The following CADPS variants were observed in gnomAD, a reference collection of about 807,000 sequenced individuals.
CADPS encodes calcium dependent secretion activator, also known as calcium-dependent secretion activator 1.
CADPS carries 57 observed loss-of-function variants against 167.3 expected under a neutral mutation model. The observed-to-expected ratio is 0.34, with a 90% CI of 0.28 to 0.42. The LOEUF is 0.42. Ranked by LOEUF, CADPS falls within the 20% of genes least tolerant of loss-of-function variation. CADPS has a pLI of 1.00. For missense variants in CADPS, 1,414 were observed against 1,738.1 expected, an observed-to-expected ratio of 0.81 and a Z score of 3.32; for synonymous variants, 676 against 635.3, an observed-to-expected ratio of 1.06 and a Z score of -0.96.
intron 3 of CADPS, among the ~76,000 whole-genome samples, chr3:62,706,221 T>C (rs1390256672): frequency 6.6e-6 from 1 of 152,180 alleles, no homozygotes; most frequent in African/African-American, 2.4e-5. Flanking sequence ...AAGCCTACCA[T>C]GATGTCCTCA....
At chr3:62,707,776 A>C (rs1333782708) in intron 3 of CADPS, among the ~76,000 whole-genome samples, 1 of 152,162 alleles carries the variant, frequency 6.6e-6, no homozygotes, top group African/African-American at 2.4e-5. Flanking sequence ...AGATATGTTA[A>C]ATATGTTACT....
chr3:62,689,524 G>A (rs1266219209), intron 3 of CADPS, among the ~76,000 whole-genome samples: 8 of 151,994 alleles, frequency 5.3e-5, no homozygotes, highest in African/African-American at 1.5e-4. Context: ...GGGGCTCCCC[G>A]AATGATAACT....
intron 6 of CADPS, among the ~76,000 whole-genome samples, chr3:62,614,108 ATTCAGCCTAAC>A (rs1562912880): frequency 6.6e-6 from 1 of 152,138 alleles, no homozygotes; most frequent in African/African-American, 2.4e-5. Flanking sequence ...ATCATCATCA[ATTCAGCCTAAC>A]AGCTCCTATT....
At chr3:62,794,664 G>T (rs1320597394) in intron 1 of CADPS, among the ~76,000 whole-genome samples, 2 of 151,360 alleles carry the variant, frequency 1.3e-5, no homozygotes, top group African/African-American at 4.9e-5. Context: ...AAAAACTATT[G>T]CTAATGTCCC....
At chr3:62,611,729 T>G (rs761000308) in intron 6 of CADPS, among the ~76,000 whole-genome samples, 1 of 152,196 alleles carries the variant, frequency 6.6e-6, no homozygotes, top group Non-Finnish European at 1.5e-5. Context: ...TCTTCATACT[T>G]ACTGTTCCCT....
rs910452754 is a variant in CADPS, at chr3:62,629,021, A to G, written c.1325+16701T>C. Among the ~76,000 whole-genome samples the G allele has an allele frequency of 1.9e-4, 29 of 152,122 alleles. 1 individual carries two copies. Among genetic ancestry groups the G allele is most frequent in the Non-Finnish European group, 4.1e-4 (28 of 68,006 alleles). The stretch of plus-strand genomic sequence containing the variant: ...ATTGTCTCTTGCTTGGAGGACTGCA[A>G]TAGGCCCCCCACTTCTCTCCTTATG... On this transcript the variant is annotated intron_variant, in intron 6 of 29. Coordinates refer to ENST00000383710, the MANE Select transcript of CADPS (RefSeq NM_003716.4).
chr3:62,443,311 C>T (rs779121767), intron 27 of CADPS, among the ~76,000 whole-genome samples: 8 of 152,154 alleles, frequency 5.3e-5, no homozygotes, highest in East Asian at 3.9e-4. Flanking sequence ...TACTTTATAA[C>T]GCTTGGTTGT....
intron 6 of CADPS, among the ~76,000 whole-genome samples, chr3:62,640,720 G>T (rs2067244809): frequency 6.6e-6 from 1 of 152,116 alleles, no homozygotes; most frequent in Non-Finnish European, 1.5e-5. Flanking sequence ...TGGCATCTTT[G>T]GTTTCAATTC....
chr3:62,576,813 A>AAAAG (rs2082369499), intron 8 of CADPS, among the ~76,000 whole-genome samples: 1 of 149,290 alleles, frequency 6.7e-6, no homozygotes, highest in African/African-American at 2.5e-5. Context: ...AAAAAAAAAA[A>AAAAG]AAAAGCAGTC....
intron 1 of CADPS, among the ~76,000 whole-genome samples, chr3:62,809,475 A>G (rs888287754): frequency 6.6e-6 from 1 of 151,876 alleles, no homozygotes; most frequent in African/African-American, 2.4e-5. Context: ...TCATCCTTAC[A>G]TTTGCCAGGA....
At chr3:62,429,254 A>G (rs1023115370) in intron 28 of CADPS, among the ~76,000 whole-genome samples, 14 of 152,210 alleles carry the variant, frequency 9.2e-5, no homozygotes, top group Non-Finnish European at 2.9e-5. Context: ...GTGCACTTGA[A>G]TCAAAGAGAC....
chr3:62,696,826 A>G (rs1317968569), intron 3 of CADPS, among the ~76,000 whole-genome samples: 2 of 152,052 alleles, frequency 1.3e-5, no homozygotes, highest in Admixed American at 1.3e-4. Flanking sequence ...CCAGAATAGG[A>G]TCATTTGCAC....
chr3:62,669,365 C>T (rs1405344242), intron 3 of CADPS, among the ~76,000 whole-genome samples: 1 of 152,198 alleles, frequency 6.6e-6, no homozygotes, highest in Non-Finnish European at 1.5e-5. Context: ...TGCTGCCTTC[C>T]TGGTGCACTG....
chr3:62,588,069 C>G (rs903388120), intron 7 of CADPS, among the ~76,000 whole-genome samples: 9 of 152,196 alleles, frequency 5.9e-5, no homozygotes, highest in Non-Finnish European at 1.0e-4. Flanking sequence ...GACCCACCCC[C>G]TGAAGTAGCT....
intron 27 of CADPS, among the ~76,000 whole-genome samples, chr3:62,443,725 T>C (rs2056757275): frequency 1.3e-5 from 2 of 152,200 alleles, no homozygotes; most frequent in African/African-American, 4.8e-5. Context: ...GTAAGTTTCC[T>C]GAGGCCTCCC....
chr3:62,796,955 G>A (rs76470069), intron 1 of CADPS, among the ~76,000 whole-genome samples: 41 of 152,198 alleles, frequency 2.7e-4, no homozygotes, highest in African/African-American at 8.9e-4. Context: ...AGAATATTGC[G>A]AAGCTTAAGT....
At chr3:62,534,377 C>T (rs996240360) in intron 12 of CADPS, among the ~76,000 whole-genome samples, 7 of 152,254 alleles carry the variant, frequency 4.6e-5, no homozygotes, top group Admixed American at 1.3e-4. Context: ...TGGGAATCTT[C>T]AATTGACAAC....
chr3:62,564,789 T>C (rs1562227338), intron 9 of CADPS, among the ~76,000 whole-genome samples: 1 of 151,594 alleles, frequency 6.6e-6, no homozygotes, highest in South Asian at 2.1e-4. Flanking sequence ...GTATTTTTAG[T>C]AGAGATGGGG....
intron 9 of CADPS, among the ~76,000 whole-genome samples, chr3:62,566,526 G>T (rs1331926375): frequency 6.6e-6 from 1 of 152,158 alleles, no homozygotes; most frequent in Non-Finnish European, 1.5e-5. Flanking sequence ...GTTTCAAAGG[G>T]AGTGTGTTTT....
Sources: allele counts gnomAD v4.1 joint callset (sites outside exome capture counted in the v4.1 genomes callset), GRCh38; gene constraint gnomAD v4.1.1; transcripts MANE v1.5; gene names NCBI Gene and HGNC (gene_info 2026-07-23, HGNC 2026-07-21).